Variants in TMTC1 observed in about 807,000 individuals in gnomAD.
TMTC1 encodes the protein transmembrane O-mannosyltransferase targeting cadherins 1, also known as protein O-mannosyl-transferase TMTC1.
Under a neutral mutation model 104.8 loss-of-function variants are expected in TMTC1, and 73 were observed. The observed-to-expected ratio is 0.70, with a 90% CI of 0.58 to 0.85. The LOEUF (loss-of-function observed/expected upper bound fraction) is 0.85. Ranked by LOEUF, TMTC1 falls within the 40% of genes least tolerant of loss-of-function variation. TMTC1 has a pLI of 0.00. For missense variants in TMTC1, 1,035 were observed against 1,096.1 expected (o/e 0.94, Z 0.79); for synonymous variants, 434 against 428.7 (o/e 1.01, Z -0.15).
At chr12:29,600,812 C>T (rs939325118) in intron 7 of TMTC1, among the ~76,000 whole-genome samples, 2 of 152,094 alleles carry the variant, frequency 1.3e-5, no homozygotes, top group African/African-American at 4.8e-5. Flanking sequence ...AGTAGCCTGG[C>T]TGGGATGGTG....
chr12:29,660,243 C>T (rs1939953010), intron 5 of TMTC1, among the ~76,000 whole-genome samples: 1 of 152,192 alleles, frequency 6.6e-6, no homozygotes, highest in Admixed American at 6.5e-5. Flanking sequence ...GAAGTCTTGA[C>T]TACCCCTCTG....
chr12:29,554,735 G>T (rs544194407), intron 10 of TMTC1, among the ~76,000 whole-genome samples: 1 of 152,026 alleles, frequency 6.6e-6, no homozygotes, highest in African/African-American at 2.4e-5. Context: ...GCCAGCCATG[G>T]GGGGGCATGC....
chr12:29,660,772 AAAAGTATATATATATATATATAT>A (rs1312788315), intron 5 of TMTC1: 10 of 848,328 alleles, frequency 1.2e-5, no homozygotes, highest in Non-Finnish European at 1.6e-5. Context: ...CAGATATTTC[AAAAGTATATATATATATATATAT>A]ATACTTACAT....
chr12:29,756,768 G>C (rs2136988072), intron 3 of TMTC1, among the ~76,000 whole-genome samples: 1 of 152,252 alleles, frequency 6.6e-6, no homozygotes, highest in South Asian at 2.1e-4. Context: ...TTCTGTAGTT[G>C]AGACACCTTC....
intron 9 of TMTC1, among the ~76,000 whole-genome samples, chr12:29,566,071 AAG>A (rs766170208): frequency 6.6e-6 from 1 of 152,052 alleles, no homozygotes; most frequent in East Asian, 1.9e-4. Context: ...AAATGAAGCA[AAG>A]AGGGGGAACA....
rs751475395 is a variant in TMTC1 at position 29,679,807 on chromosome 12, A to G, written c.939-46471T>C. ...AGGACTAGAGAGACCTCAGGACTAG[A>G]GAGACCTCTTTACTGTACCCTGTTT... On this transcript the variant is annotated intron_variant, in intron 5 of 17. Transcript: ENST00000539277. 5.9e-5 allele frequency among the ~76,000 whole-genome samples: 9 copies of G among 152,302 alleles called. No individual in the cohort carries two copies. In the East Asian group the frequency reaches 1.4e-3, roughly 23 times the overall value.
rs1215632670 is a variant in TMTC1 at position 29,501,471 on chromosome 12, C to T, written c.*5375G>A. The T allele has an allele frequency of 6.6e-6, 1 of 152,100 alleles. No homozygotes were observed. The highest frequency in any genetic ancestry group is 2.4e-5 in the African/African-American group (1 of 41,404). The allele number at this position is 152,100 out of a possible 1,614,324, so 9.4% of individuals were successfully genotyped here. ...CTGGGAGACAATGGCTAACTTGCCC[C>T]AGGTAAGGTGGCTCTTCAGTGGCAG... On this transcript the variant is annotated 3_prime_UTR_variant, in exon 18 of 18. Transcript: ENST00000539277.
intron 9 of TMTC1, chr12:29,568,796 TG>T: frequency 2.5e-6 from 1 of 397,970 alleles, no homozygotes; most frequent in Admixed American, 3.0e-5. Flanking sequence ...AGGCATTTCT[TG>T]GGAGTTTTTG....
intron 5 of TMTC1, among the ~76,000 whole-genome samples, chr12:29,719,415 C>G (rs779662932): frequency 6.6e-6 from 1 of 152,178 alleles, no homozygotes; most frequent in East Asian, 1.9e-4. Context: ...TAAATTTCCA[C>G]TTGAAGTTTT....
chr12:29,723,111 T>G (rs1330043179), intron 5 of TMTC1, among the ~76,000 whole-genome samples: 1 of 151,972 alleles, frequency 6.6e-6, no homozygotes, highest in Non-Finnish European at 1.5e-5. Context: ...CTAAGAAGAT[T>G]TGAGCTTTAC....
At chr12:29,600,008 ATT>A (rs1555174499) in intron 7 of TMTC1, among the ~76,000 whole-genome samples, 18 of 118,668 alleles carry the variant, frequency 1.5e-4, no homozygotes, top group South Asian at 5.1e-4. Flanking sequence ...ATATATATAT[ATT>A]TTTTTTTTTT....
At chr12:29,628,027 C>A (rs1372903324) in intron 6 of TMTC1, among the ~76,000 whole-genome samples, 1 of 152,228 alleles carries the variant, frequency 6.6e-6, no homozygotes, top group Non-Finnish European at 1.5e-5. Context: ...TTCTAAGCTT[C>A]CCCACATAAT....
intron 6 of TMTC1, among the ~76,000 whole-genome samples, chr12:29,623,572 T>C (rs1266310243): frequency 1.3e-5 from 2 of 152,182 alleles, no homozygotes; most frequent in Non-Finnish European, 2.9e-5. Context: ...CCCAACACTT[T>C]GGGAGGCCGA....
rs773889232 is a variant in TMTC1, at chr12:29,661,419, ATTT to A, written c.939-28086_939-28084del. 8.5e-3 allele frequency: 3,148 copies of A among 369,996 alleles called. 4 individuals are homozygous for A. The highest frequency in any genetic ancestry group is 0.022 in the African/African-American group (828 of 37,090). The allele number at this position is 369,996 out of a possible 1,614,324, so 22.9% of individuals were successfully genotyped here. On this transcript the variant is annotated intron_variant, in intron 5 of 17. Transcript: ENST00000539277. Reference sequence around the variant, plus strand: ...TGCCAAGGTTGTAGGAGGTTAAGTAATTTTTTTTTTTTTTTTTTTTTGAGACGG... The same window carrying A: ...TGCCAAGGTTGTAGGAGGTTAAGTAATTTTTTTTTTTTTTTTTTGAGACGG...
intron 9 of TMTC1, among the ~76,000 whole-genome samples, chr12:29,570,881 AC>A (rs71045818): frequency 0.14 from 4,279 of 31,042 alleles, 269 homozygotes; most frequent in African/African-American, 0.28. Context: ...AAACAGAAAC[AC>A]CCCCCCCCCC....
Position 29,506,601 on chromosome 12 carries a change from T to G in TMTC1, c.*245A>C, listed in dbSNP as rs1323445280. On this transcript the variant is annotated 3_prime_UTR_variant, in exon 18 of 18. Coordinates refer to ENST00000539277, the MANE Select transcript of TMTC1 (RefSeq NM_001193451.2). The stretch of plus-strand genomic sequence containing the variant: ...TTAAACCAAACAAAAATCTGTAAAA[T>G]GTGTAAATGTCATTCTCCTTCCCTC... The G allele has an allele frequency of 2.2e-6, 1 of 457,180 alleles. No individual in the cohort carries two copies. Among genetic ancestry groups the G allele is most frequent in the East Asian group, 3.7e-5 (1 of 26,758 alleles). 28.3% of individuals were successfully genotyped at this position (457,180 alleles called of 1,614,324 possible).
intron 5 of TMTC1, among the ~76,000 whole-genome samples, chr12:29,736,463 A>G (rs1055809926): frequency 6.6e-6 from 1 of 152,010 alleles, no homozygotes. Context: ...TTGGTCGCCC[A>G]GGCTGGAGTG....
intron 3 of TMTC1, 24 bp from the exon 4 acceptor site, chr12:29,755,909 T>C (rs1305732577): frequency 1.2e-6 from 2 of 1,610,046 alleles, no homozygotes; most frequent in African/African-American, 2.7e-5. Context: ...TGGAGATTCT[T>C]TTAATCTAAG....
chr12:29,693,816 G>T (rs1210475975), intron 5 of TMTC1, among the ~76,000 whole-genome samples: 1 of 152,076 alleles, frequency 6.6e-6, no homozygotes, highest in Non-Finnish European at 1.5e-5. Context: ...TGACAGCCAG[G>T]GTTGAAAAGA....
Sources: allele counts gnomAD v4.1 joint callset (sites outside exome capture counted in the v4.1 genomes callset), GRCh38; gene constraint gnomAD v4.1.1; transcripts MANE v1.5; gene names NCBI Gene and HGNC (gene_info 2026-07-23, HGNC 2026-07-21).